The following ZNF93 variants were observed in gnomAD, a reference collection of about 807,000 sequenced individuals.
ZNF93 encodes the protein zinc finger protein 93, also known as zinc finger protein 505.
A neutral mutation model predicts 45.0 loss-of-function variants in ZNF93; 29 were observed. That is an observed-to-expected ratio of 0.64 (90% CI 0.48 to 0.88). The LOEUF (loss-of-function observed/expected upper bound fraction) is 0.88, where lower values mean the gene tolerates loss of function less well. Ranked by LOEUF, ZNF93 falls within the 40% of genes least tolerant of loss-of-function variation. The probability of loss-of-function intolerance (pLI) is 0.00; values close to 1 mark genes in which losing one functional copy is unlikely to be tolerated. For missense variants in ZNF93, 578 were observed against 724.0 expected, an observed-to-expected ratio of 0.80 and a Z score of 2.31; for synonymous variants, 223 against 244.6, an observed-to-expected ratio of 0.91 and a Z score of 0.82.
At chr19:19,923,782 T>G (rs1258050237) in intron 3 of ZNF93, among the ~76,000 whole-genome samples, 1 of 152,166 alleles carries the variant, frequency 6.6e-6, no homozygotes. Flanking sequence ...AGTATTAGGG[T>G]GGGAGTGACC....
chr19:19,931,402 G>A (rs1010906360), intron 3 of ZNF93, among the ~76,000 whole-genome samples: 3 of 151,992 alleles, frequency 2.0e-5, no homozygotes, highest in African/African-American at 7.3e-5. Flanking sequence ...TGATGGCCAG[G>A]CTTGTCTTGA....
chr19:19,933,807 C>G lies in ZNF93; in HGVS notation c.852C>G (p.Pro284=), dbSNP rs2063382746. 6.2e-7 allele frequency: 1 copy of G among 1,612,768 alleles called. No homozygotes were observed. The highest frequency in any genetic ancestry group is 2.2e-5 in the East Asian group (1 of 44,804). Residue 284 remains proline (P), a synonymous_variant, in exon 4 of 4, where the codon CCC becomes CCG. Coordinates refer to ENST00000343769, the MANE Select transcript of ZNF93 (RefSeq NM_031218.4). ...KHKKIHTGEK[P]YKCEECGKAF... is the part of the protein sequence containing the mutation. ...AGAAAATTCATACTGGAGAGAAACC[C>G]TACAAATGTGAAGAATGTGGCAAAG...
chr19:19,901,195 A>G (rs528250234), intron 1 of ZNF93, 104 bp downstream of exon 1: 32 of 1,565,720 alleles, frequency 2.0e-5, no homozygotes, highest in Admixed American at 6.7e-5. Context: ...CAGCTCCACA[A>G]TCTGCGCCGG....
chr19:19,928,145 C>G (rs1382884179), intron 3 of ZNF93, among the ~76,000 whole-genome samples: 2 of 152,088 alleles, frequency 1.3e-5, no homozygotes, highest in African/African-American at 2.4e-5. Context: ...TTGTATCATT[C>G]AAGAAAATAA....
chr19:19,916,292 C>T (rs2063323376), intron 2 of ZNF93, among the ~76,000 whole-genome samples: 1 of 152,128 alleles, frequency 6.6e-6, no homozygotes, highest in African/African-American at 2.4e-5. Flanking sequence ...GTCTCCAACT[C>T]CTGACTTCGT....
At chr19:19,922,001 T>A (rs1324502644) in intron 3 of ZNF93, among the ~76,000 whole-genome samples, 2 of 152,236 alleles carry the variant, frequency 1.3e-5, no homozygotes, top group African/African-American at 2.4e-5. Flanking sequence ...GTTAGCTAGT[T>A]ATTTTGCTCA....
rs145491369 is a variant in ZNF93, at chr19:19,933,965, G to A, written c.1010G>A (p.Gly337Glu). 6.5e-3 allele frequency: 10,417 copies of A among 1,612,374 alleles called. 55 individuals are homozygous for A. The highest frequency in any genetic ancestry group is 7.5e-3 in the Non-Finnish European group (8,836 of 1,179,448). ...ACTACACATAAGAGAATTCATACTG[G>A]AGAGAAACCATACAAGTGTAATAAA... ...ILTTHKRIHT[G>E]EKPYKCNKCG... Residue 337 changes from glycine (G) to glutamate (E), a missense_variant, in exon 4 of 4, where the codon GGA becomes GAA. Gly to Glu is a moderately conservative substitution (Grantham distance 98). Transcript: ENST00000343769.
intron 3 of ZNF93, chr19:19,931,936 A>G (rs1328977343): frequency 8.4e-6 from 3 of 357,988 alleles, no homozygotes; most frequent in Non-Finnish European, 1.6e-5. Flanking sequence ...ACTTCAATTG[A>G]ATAAAAACTA....
At position 19,918,100 on chromosome 19, in the gene ZNF93, G is replaced by A. The variant is rs140492781; in HGVS notation, c.226+1445G>A. Among the ~76,000 whole-genome samples the A allele has an allele frequency of 6.9e-3, 808 of 117,602 alleles. 9 individuals carry two copies. The highest frequency in any genetic ancestry group is 0.025 in the African/African-American group (774 of 31,456). 77.2% of individuals were successfully genotyped at this position (117,602 alleles called of 152,430 possible). A position where few individuals can be genotyped will look rare whatever the true frequency, so the allele number is the denominator to read the frequency against. ...TATCTCCTAATGCTATCCCTCCCCC[G>A]TCCCCCCACCCCACAACAGGCCCCA... is the stretch of plus-strand genomic sequence containing the variant. On this transcript the variant is annotated intron_variant, in intron 3 of 3. Transcript: ENST00000343769.
At chr19:19,913,853 CAT>C (rs372515277) in intron 1 of ZNF93, among the ~76,000 whole-genome samples, 52 of 152,256 alleles carry the variant, frequency 3.4e-4, no homozygotes, top group African/African-American at 6.7e-4. Context: ...TTCAGGTAAA[CAT>C]GTGTCAGATG....
intron 3 of ZNF93, among the ~76,000 whole-genome samples, chr19:19,926,523 G>A (rs548059996): frequency 4.1e-5 from 6 of 146,998 alleles, no homozygotes; most frequent in Non-Finnish European, 7.5e-5. Context: ...TCACTCTGTC[G>A]CACAGGCTGG....
chr19:19,931,134 T>C (rs991152904), intron 3 of ZNF93, among the ~76,000 whole-genome samples: 2 of 149,484 alleles, frequency 1.3e-5, no homozygotes, highest in Non-Finnish European at 3.0e-5. Flanking sequence ...TATCTTTTTC[T>C]TTATATAATT....
chr19:19,919,101 C>A lies in ZNF93; in HGVS notation c.226+2446C>A, dbSNP rs371495663. ...ATGGTTTTAGGTCTAACATTTAAGT[C>A]TTTAATCCATCTTGAATTAATTTTT... On this transcript the variant is annotated intron_variant, in intron 3 of 3. Transcript: ENST00000343769. Among the ~76,000 whole-genome samples, 32 of 152,290 alleles carry A rather than the reference C, an allele frequency of 2.1e-4. 1 individual carries two copies. The Middle Eastern group carries it at 0.01, about 49-fold the overall frequency.
intron 1 of ZNF93, chr19:19,907,854 A>C (rs1263132250): frequency 3.3e-5 from 5 of 152,216 alleles, no homozygotes; most frequent in Non-Finnish European, 5.9e-5. Flanking sequence ...AATAGTATGA[A>C]TATAAAGCTG....
chr19:19,933,104 A>G (rs1047581341), intron 3 of ZNF93, 78 bp from the exon 4 acceptor site: 3 of 1,141,578 alleles, frequency 2.6e-6, no homozygotes, highest in African/African-American at 3.2e-5. Context: ...AGTTTGTATA[A>G]TTTTATAGGT....
In ZNF93 at chr19:19,934,774, A is replaced by G; in HGVS notation, c.1819A>G (p.Ser607Gly). The change falls in exon 4 of 4, where the codon AGC becomes GGC. Residue 607 changes from serine (S) to glycine (G), a missense_variant. Coordinates refer to ENST00000343769, the MANE Select transcript of ZNF93 (RefSeq NM_031218.4). ...TGGCAAAGCCTTTATTTCACCCTCA[A>G]GCCTTAGTAGACATGAGATAATTCA... ...KCGKAFISPS[S>G]LSRHEIIHTG... The G allele has an allele frequency of 1.9e-6, 3 of 1,603,932 alleles. No individual in the cohort carries two copies. Among genetic ancestry groups the G allele is most frequent in the Non-Finnish European group, 2.6e-6 (3 of 1,175,820 alleles).
chr19:19,908,794 G>C (rs2063299758), intron 1 of ZNF93: 1 of 126,428 alleles, frequency 7.9e-6, no homozygotes, highest in Admixed American at 1.1e-4. Context: ...TGTGAGCCGA[G>C]ATCGCACCAT....
intron 3 of ZNF93, among the ~76,000 whole-genome samples, chr19:19,930,020 A>G (rs2063368607): frequency 6.7e-6 from 1 of 150,040 alleles, no homozygotes; most frequent in Admixed American, 6.7e-5. Context: ...GGCCCGGGGG[A>G]CCACTACCAC....
chr19:19,914,853 C>A, intron 1 of ZNF93: 2 of 348,704 alleles, frequency 5.7e-6, no homozygotes, highest in South Asian at 2.2e-5. Context: ...AAAAATCAGA[C>A]TTCATTCCAG....
Sources: allele counts gnomAD v4.1 joint callset (sites outside exome capture counted in the v4.1 genomes callset), GRCh38; gene constraint gnomAD v4.1.1; transcripts MANE v1.5; gene names NCBI Gene and HGNC (gene_info 2026-07-23, HGNC 2026-07-21).